The following TBC1D2B variants were observed in gnomAD, a reference collection of about 807,000 sequenced individuals.
The protein encoded by TBC1D2B is TBC1 domain family member 2B.
In TBC1D2B, 64 loss-of-function variants were observed where a neutral mutation model predicts 100.8. The ratio of observed to expected loss-of-function variants is 0.64; its 90% CI spans 0.52 to 0.78. TBC1D2B has a LOEUF of 0.78. Among genes scored for constraint, TBC1D2B ranks in the 30% least tolerant of loss-of-function variants. The pLI, the probability that TBC1D2B is intolerant of heterozygous loss-of-function variation, is 0.00. For missense variants in TBC1D2B, 1,052 were observed against 1,218.4 expected (o/e 0.86, Z 2.03); for synonymous variants, 480 against 479.7 (o/e 1.00, Z -0.01).
chr15:78,039,478 T>C (rs541229180), intron 3 of TBC1D2B, among the ~76,000 whole-genome samples: 1 of 152,272 alleles, frequency 6.6e-6, no homozygotes, highest in East Asian at 1.9e-4. Flanking sequence ...AGAAGACCTA[T>C]GGGAGGCAGG....
Position 78,077,643 on chromosome 15 carries a change from C to A in TBC1D2B, c.10G>T (p.Ala4Ser), listed in dbSNP as rs888940447. 1.0e-6 allele frequency: 1 copy of A among 990,310 alleles called. No individual in the cohort carries two copies. The highest frequency in any genetic ancestry group is 1.1e-4 in the East Asian group (1 of 9,154). The allele number at this position is 990,310 out of a possible 1,614,324, so 61.3% of individuals were successfully genotyped here. A position where few individuals can be genotyped will look rare whatever the true frequency, so the allele number is the denominator to read the frequency against. Residue 4 changes from alanine (A) to serine (S), a missense_variant, in exon 1 of 13, where the codon GCC becomes TCC. By Grantham distance (99) the Ala-to-Ser change is moderately conservative. Around this residue, in one of 4 missense-constraint regions of TBC1D2B, gnomAD observed 627 missense variants for 646.1 expected, o/e 0.97. Transcript: ENST00000300584. MPG[A>S]GARAEEGGGG... ...CCGCCCTCCTCCGCCCGGGCTCCGG[C>A]CCCCGGCATCGCTACCGCGCGCCAA...
At chr15:78,031,424 C>T (rs892909109) in intron 3 of TBC1D2B, among the ~76,000 whole-genome samples, 4 of 151,772 alleles carry the variant, frequency 2.6e-5, no homozygotes, top group Non-Finnish European at 5.9e-5. Context: ...TGTGGTGGTG[C>T]ACACCTGTAG....
At chr15:78,028,924 T>C (rs1416775047) in intron 4 of TBC1D2B, among the ~76,000 whole-genome samples, 1 of 152,188 alleles carries the variant, frequency 6.6e-6, no homozygotes, top group Non-Finnish European at 1.5e-5. Flanking sequence ...ATCAATTAAA[T>C]ACAATGTGTG....
intron 12 of TBC1D2B, among the ~76,000 whole-genome samples, chr15:78,000,507 A>C (rs1421837904): frequency 2.0e-5 from 3 of 152,276 alleles, no homozygotes; most frequent in Non-Finnish European, 4.4e-5. Context: ...AACTTTCCCC[A>C]GCAAATATGA....
intron 9 of TBC1D2B, among the ~76,000 whole-genome samples, chr15:78,012,266 C>T (rs1217919181): frequency 6.6e-6 from 1 of 152,230 alleles, no homozygotes; most frequent in Non-Finnish European, 1.5e-5. Flanking sequence ...CATCCCTGCA[C>T]AGCTCAGGAG....
chr15:78,023,206 C>T (rs935157440), intron 6 of TBC1D2B, among the ~76,000 whole-genome samples: 15 of 152,192 alleles, frequency 9.9e-5, no homozygotes, highest in African/African-American at 3.4e-4. Flanking sequence ...CAAACACCCT[C>T]GGAGACACAT....
intron 6 of TBC1D2B, among the ~76,000 whole-genome samples, chr15:78,022,032 C>T (rs529017872): frequency 3.9e-5 from 6 of 152,310 alleles, no homozygotes; most frequent in South Asian, 2.1e-4. Context: ...TATTGTTCTA[C>T]GCACTACAGA....
intron 1 of TBC1D2B, among the ~76,000 whole-genome samples, chr15:78,063,877 T>A (rs2073600801): frequency 6.6e-6 from 1 of 151,684 alleles, no homozygotes; most frequent in South Asian, 2.1e-4. Flanking sequence ...TCCAGATTCA[T>A]CTACCCCTGG....
chr15:78,044,968 A>C lies in TBC1D2B; in HGVS notation c.615T>G (p.Asn205Lys). Residue 205 changes from asparagine (N) to lysine (K), a missense_variant, in exon 3 of 13, where the codon AAT (asparagine) becomes AAG (lysine). This residue lies in a region of TBC1D2B where 627 missense variants were observed against 646.1 expected (regional missense o/e 0.97). Transcript: ENST00000300584. ...AATTTGGATGCCCTGGGGCGGGCTGATTTGCAGCTTGTTCTCCCACCAGCT... is the reference window on the plus strand; with the variant it reads ...AATTTGGATGCCCTGGGGCGGGCTGCTTTGCAGCTTGTTCTCCCACCAGCT... ...PGELVGEQAA[N>K]QPAPGHPNSI... 6.2e-7 allele frequency: 1 copy of C among 1,613,834 alleles called. No homozygotes were observed. Among genetic ancestry groups the C allele is most frequent in the Non-Finnish European group, 8.5e-7 (1 of 1,179,804 alleles).
At chr15:78,030,717 A>G (rs1369163350) in intron 3 of TBC1D2B, among the ~76,000 whole-genome samples, 1 of 152,174 alleles carries the variant, frequency 6.6e-6, no homozygotes, top group Non-Finnish European at 1.5e-5. Flanking sequence ...TACCCCTAAC[A>G]CCCAGTATTT....
intron 6 of TBC1D2B, among the ~76,000 whole-genome samples, chr15:78,022,572 T>C (rs2141687818): frequency 6.6e-6 from 1 of 151,254 alleles, no homozygotes; most frequent in Admixed American, 6.6e-5. Flanking sequence ...TGCAACGGGG[T>C]CTCACTTTGT....
chr15:78,065,813 G>T (rs2073644199), intron 1 of TBC1D2B, among the ~76,000 whole-genome samples: 2 of 152,122 alleles, frequency 1.3e-5, no homozygotes, highest in Admixed American at 6.6e-5. Flanking sequence ...CAGGTTCCCA[G>T]GCTCCACCCA....
intron 1 of TBC1D2B, among the ~76,000 whole-genome samples, chr15:78,060,804 C>G (rs766403448): frequency 2.0e-5 from 3 of 151,982 alleles, no homozygotes; most frequent in Non-Finnish European, 4.4e-5. Context: ...GTAATCCCAG[C>G]TACTCGGGAG....
At chr15:78,032,579 G>A (rs2072843048) in intron 3 of TBC1D2B, among the ~76,000 whole-genome samples, 1 of 151,138 alleles carries the variant, frequency 6.6e-6, no homozygotes, top group Admixed American at 6.6e-5. Flanking sequence ...GATAAAATTA[G>A]CAGACAGGGA....
At chr15:78,027,731 C>G (rs963904210) in intron 4 of TBC1D2B, among the ~76,000 whole-genome samples, 3 of 152,252 alleles carry the variant, frequency 2.0e-5, no homozygotes, top group Non-Finnish European at 4.4e-5. Context: ...TTCTATTTCA[C>G]CCTCAGTCTC....
At chr15:78,049,998 A>C (rs2073277877) in intron 2 of TBC1D2B, among the ~76,000 whole-genome samples, 1 of 152,194 alleles carries the variant, frequency 6.6e-6, no homozygotes, top group Non-Finnish European at 1.5e-5. Context: ...GCAGCATTTT[A>C]CAAGGATTAC....
At chr15:78,036,408 G>A (rs1374060076) in intron 3 of TBC1D2B, among the ~76,000 whole-genome samples, 3 of 152,196 alleles carry the variant, frequency 2.0e-5, no homozygotes, top group African/African-American at 7.2e-5. Flanking sequence ...CATTGTGACG[G>A]TATTAAGAGG....
At chr15:78,020,049 C>T (rs1362957042) in intron 6 of TBC1D2B, among the ~76,000 whole-genome samples, 1 of 152,076 alleles carries the variant, frequency 6.6e-6, no homozygotes, top group Non-Finnish European at 1.5e-5. Flanking sequence ...CCACCACACC[C>T]AGCTAATGTT....
At chr15:78,004,473 C>A (rs1276176671) in intron 10 of TBC1D2B, among the ~76,000 whole-genome samples, 1 of 152,224 alleles carries the variant, frequency 6.6e-6, no homozygotes, top group Non-Finnish European at 1.5e-5. Context: ...CTGCGTCACA[C>A]TGAGGAGTCA....
Sources: allele counts gnomAD v4.1 joint callset (sites outside exome capture counted in the v4.1 genomes callset), GRCh38; gene constraint gnomAD v4.1.1; regional missense constraint gnomAD v4.1.1; transcripts MANE v1.5; gene names NCBI Gene and HGNC (gene_info 2026-07-23, HGNC 2026-07-21).